Variants in RGS7BP observed in about 807,000 individuals in gnomAD.
The protein encoded by RGS7BP is regulator of G protein signaling 7 binding protein.
Under a neutral mutation model 31.3 loss-of-function variants are expected in RGS7BP, and 9 were observed. The ratio of observed to expected loss-of-function variants is 0.29; its 90% CI spans 0.17 to 0.50. The LOEUF (loss-of-function observed/expected upper bound fraction) is 0.50, where lower values mean the gene tolerates loss of function less well. Ranked by LOEUF, RGS7BP falls within the 20% of genes least tolerant of loss-of-function variation. The pLI is 0.98. For synonymous variants in RGS7BP, 115 were observed against 120.1 expected (o/e 0.96, Z 0.28); for missense variants, 274 against 322.0 (o/e 0.85, Z 1.14).
chr5:64,582,976 A>G (rs16892922), intron 3 of RGS7BP, among the ~76,000 whole-genome samples: 6,468 of 152,310 alleles, frequency 0.042, 470 homozygotes, highest in African/African-American at 0.15. Flanking sequence ...AAAGCAGAAT[A>G]AATCTTAGAC....
Position 64,506,782 on chromosome 5 carries a change from G to C in RGS7BP, c.158G>C (p.Cys53Ser). 6.4e-7 allele frequency: 1 copy of C among 1,560,686 alleles called. No individual in the cohort carries two copies. Among genetic ancestry groups the C allele is most frequent in the Admixed American group, 1.9e-5 (1 of 52,504 alleles). ...AAAACCCAACGAGCCCTGGACGACT[G>C]CAAGATGGTGGGTGAAAACTGCGCC... ...AHKTQRALDD[C>S]KMLVQEFNTQ... Residue 53 changes from cysteine to serine, a missense_variant, in exon 1 of 6, where the codon TGC (cysteine) becomes TCC (serine). Coordinates refer to ENST00000334025, the MANE Select transcript of RGS7BP (RefSeq NM_001029875.3). The surrounding 1 kb of genome is among the most constrained non-coding windows in gnomAD (Gnocchi z 4.6).
intron 2 of RGS7BP, among the ~76,000 whole-genome samples, chr5:64,532,271 A>C (rs965552527): frequency 3.2e-4 from 49 of 151,826 alleles, no homozygotes; most frequent in African/African-American, 1.2e-3. Context: ...GAATAGTGCA[A>C]GCACCACCAC....
chr5:64,602,080 G>A (rs909243307), intron 5 of RGS7BP, among the ~76,000 whole-genome samples: 1 of 152,112 alleles, frequency 6.6e-6, no homozygotes, highest in African/African-American at 2.4e-5. Context: ...AGACTAATGT[G>A]GGCCTAGAGA....
At chr5:64,519,976 C>T (rs980889295) in intron 2 of RGS7BP, among the ~76,000 whole-genome samples, 2 of 152,190 alleles carry the variant, frequency 1.3e-5, no homozygotes, top group African/African-American at 2.4e-5. Flanking sequence ...CTTTTCCCTA[C>T]GGTTCCAAGA....
intron 2 of RGS7BP, among the ~76,000 whole-genome samples, chr5:64,529,987 C>T (rs538108095): frequency 1.5e-4 from 23 of 152,272 alleles, no homozygotes; most frequent in Non-Finnish European, 3.1e-4. Context: ...TACCAGGTGA[C>T]ATCAATAAAC....
At chr5:64,548,851 C>CTTTTTTTTTTTTTT (rs555751491) in intron 2 of RGS7BP, among the ~76,000 whole-genome samples, 3 of 137,494 alleles carry the variant, frequency 2.2e-5, no homozygotes, top group Admixed American at 1.5e-4. Flanking sequence ...AAGCCCTTTC[C>CTTTTTTTTTTTTTT]TTTTTTTTTT....
intron 5 of RGS7BP, among the ~76,000 whole-genome samples, chr5:64,598,651 A>G (rs1743140257): frequency 6.6e-6 from 1 of 152,178 alleles, no homozygotes; most frequent in South Asian, 2.1e-4. Context: ...TGACCTTAAA[A>G]CGAACTCCTT....
In RGS7BP at chr5:64,598,356, AT is replaced by A; in HGVS notation, c.612-5del. ...AGCTGATTATTCTGTCTTTTTATCA[AT>A]TTTACAGAGACATGAGAGAAATGAA... On this transcript the variant is annotated splice_region_variant and splice_polypyrimidine_tract_variant and intron_variant, in intron 4 of 5. Coordinates refer to ENST00000334025, the MANE Select transcript of RGS7BP (RefSeq NM_001029875.3). 2 of 1,512,126 alleles carry A rather than the reference AT, an allele frequency of 1.3e-6. No homozygotes were observed. The highest frequency in any genetic ancestry group is 1.8e-6 in the Non-Finnish European group (2 of 1,087,242). 93.7% of individuals were successfully genotyped at this position (1,512,126 alleles called of 1,614,324 possible).
At chr5:64,595,182 A>G (rs1321811561) in intron 4 of RGS7BP, among the ~76,000 whole-genome samples, 1 of 152,136 alleles carries the variant, frequency 6.6e-6, no homozygotes, top group Non-Finnish European at 1.5e-5. Context: ...CTTGGAGGGG[A>G]AAAAGTCTAC....
intron 5 of RGS7BP, among the ~76,000 whole-genome samples, chr5:64,604,729 T>C (rs937451173): frequency 5.9e-5 from 9 of 152,132 alleles, no homozygotes; most frequent in Non-Finnish European, 1.2e-4. Flanking sequence ...TCTCTTTTTT[T>C]CCCTGGAATA....
chr5:64,546,433 A>G (rs531603418), intron 2 of RGS7BP, among the ~76,000 whole-genome samples: 8 of 152,296 alleles, frequency 5.3e-5, no homozygotes, highest in Non-Finnish European at 7.3e-5. Context: ...AAGGAGGAGC[A>G]AGAGAGGTCA....
chr5:64,543,542 T>TAA lies in RGS7BP; in HGVS notation c.333-32224_333-32223dup, dbSNP rs147075289. Among the ~76,000 whole-genome samples the TAA allele has an allele frequency of 1.2e-4, 18 of 151,952 alleles. No homozygotes were observed. The East Asian group carries it at 1.4e-3, about 11-fold the overall frequency. ...CTCCCTCTACCTGGAGAAAAAAGTT[T>TAA]AAAAAAAAATCCCAGAAAAGAAACA... On this transcript the variant is annotated intron_variant, in intron 2 of 5. Coordinates refer to ENST00000334025, the MANE Select transcript of RGS7BP (RefSeq NM_001029875.3).
chr5:64,532,513 T>C (rs188440428), intron 2 of RGS7BP, among the ~76,000 whole-genome samples: 5 of 152,338 alleles, frequency 3.3e-5, no homozygotes, highest in Middle Eastern at 3.4e-3. Flanking sequence ...GGAAGTTGAA[T>C]GTAGGAGCAC....
chr5:64,554,886 G>A (rs1580426153), intron 2 of RGS7BP, among the ~76,000 whole-genome samples: 1 of 151,812 alleles, frequency 6.6e-6, no homozygotes, highest in Non-Finnish European at 1.5e-5. Flanking sequence ...TTCTAAAAAT[G>A]AATATATATA....
chr5:64,594,422 A>G, intron 3 of RGS7BP, among the ~76,000 whole-genome samples: 1 of 152,160 alleles, frequency 6.6e-6, no homozygotes, highest in East Asian at 1.9e-4. Context: ...AATGGGTTAT[A>G]AAACACCAAT....
At chr5:64,593,075 C>G (rs2111953506) in intron 3 of RGS7BP, among the ~76,000 whole-genome samples, 1 of 152,284 alleles carries the variant, frequency 6.6e-6, no homozygotes, top group South Asian at 2.1e-4. Flanking sequence ...ATTGGAAAAA[C>G]AATTCCTCAG....
chr5:64,559,647 G>A (rs2111858518), intron 2 of RGS7BP, among the ~76,000 whole-genome samples: 1 of 152,236 alleles, frequency 6.6e-6, no homozygotes, highest in East Asian at 1.9e-4. Context: ...ATCAGAGGAA[G>A]GAGGAGGACT....
In RGS7BP at chr5:64,510,580, T is replaced by C. The variant is rs574355089; in HGVS notation, c.332+2703T>C. On this transcript the variant is annotated intron_variant, in intron 2 of 5. Transcript: ENST00000334025. ...CTACAGATGAGCTCGAGAAATCTTT[T>C]TGGGATGATGGAAATGTTCCAGAAT... Among the ~76,000 whole-genome samples, 68 of 152,300 alleles carry C rather than the reference T, an allele frequency of 4.5e-4. No individual in the cohort carries two copies. The South Asian group carries it at 0.012, about 27-fold the overall frequency.
intron 2 of RGS7BP, among the ~76,000 whole-genome samples, chr5:64,511,507 A>G (rs1490531221): frequency 6.6e-6 from 1 of 152,218 alleles, no homozygotes; most frequent in Non-Finnish European, 1.5e-5. Flanking sequence ...CTAAATGTAG[A>G]AAGCCATATT....
Sources: gnomAD v4.1 joint callset for allele counts (sites outside exome capture counted in the v4.1 genomes callset) on GRCh38, gnomAD v4.1.1 for gene constraint, Gnocchi (gnomAD v3.1) non-coding constraint, MANE v1.5 for transcripts, NCBI Gene and HGNC (gene_info 2026-07-23, HGNC 2026-07-21) for gene names.